SGCD: variants seen among roughly 807,000 people sequenced by gnomAD.
SGCD encodes the protein delta-sarcoglycan.
In SGCD, 18 loss-of-function variants were observed where a neutral mutation model predicts 36.6. That is an observed-to-expected ratio of 0.49 (90% CI 0.34 to 0.73). The LOEUF is 0.73. Among genes scored for constraint, SGCD ranks in the 30% least tolerant of loss-of-function variants. The pLI is 0.01. For synonymous variants in SGCD, 133 were observed against 130.6 expected, an observed-to-expected ratio of 1.02 and a Z score of -0.12; for missense variants, 387 against 346.7, an observed-to-expected ratio of 1.12 and a Z score of -0.92.
chr5:156,351,597 G>A (rs984385913), intron 3 of SGCD, among the ~76,000 whole-genome samples: 4 of 126,224 alleles, frequency 3.2e-5, no homozygotes, highest in African/African-American at 3.1e-5. Context: ...GTTTGCTATC[G>A]TCGTAGTCAT....
chr5:156,381,262 T>C (rs555474345), intron 3 of SGCD, among the ~76,000 whole-genome samples: 2 of 152,334 alleles, frequency 1.3e-5, no homozygotes, highest in African/African-American at 4.8e-5. Context: ...GAGCACTCCT[T>C]ATCATTATGT....
intron 3 of SGCD, among the ~76,000 whole-genome samples, chr5:156,504,390 GTGTATA>G (rs1208801024): frequency 0.031 from 3,880 of 126,244 alleles, 66 homozygotes; most frequent in East Asian, 0.082. Flanking sequence ...GGGTGTGTGT[GTGTATA>G]TATATATATA....
intron 1 of SGCD, among the ~76,000 whole-genome samples, chr5:155,906,461 CAGTT>C (rs1360632987): frequency 6.6e-6 from 1 of 152,160 alleles, no homozygotes; most frequent in Non-Finnish European, 1.5e-5. Flanking sequence ...TTGAGCCAAA[CAGTT>C]AGCCAAGTTG....
At chr5:156,606,511 A>G (rs960400681) in intron 6 of SGCD, among the ~76,000 whole-genome samples, 1 of 152,098 alleles carries the variant, frequency 6.6e-6, no homozygotes, top group African/African-American at 2.4e-5. Context: ...TTAGCTTAGG[A>G]TTGACTTGGC....
intron 6 of SGCD, among the ~76,000 whole-genome samples, chr5:156,609,375 C>A (rs1411858468): frequency 6.6e-6 from 1 of 152,154 alleles, no homozygotes; most frequent in African/African-American, 2.4e-5. Context: ...TATTGGCCCC[C>A]ACTCTCTTCT....
chr5:156,076,714 G>T (rs1007501044), intron 1 of SGCD, among the ~76,000 whole-genome samples: 1 of 151,996 alleles, frequency 6.6e-6, no homozygotes, highest in Non-Finnish European at 1.5e-5. Context: ...TCATATTTTT[G>T]TAGGTTTCAC....
intron 3 of SGCD, among the ~76,000 whole-genome samples, chr5:156,320,780 G>A (rs1293444587): frequency 6.6e-6 from 1 of 152,152 alleles, no homozygotes; most frequent in Non-Finnish European, 1.5e-5. Flanking sequence ...AAATGTTTGG[G>A]TCACTGTTTT....
intron 1 of SGCD, among the ~76,000 whole-genome samples, chr5:155,994,948 C>T (rs1385365835): frequency 6.6e-6 from 1 of 152,146 alleles, no homozygotes; most frequent in East Asian, 1.9e-4. Context: ...TAGCAAAGGC[C>T]ACGCAACCAT....
chr5:155,953,943 G>A (rs560984388), intron 1 of SGCD, among the ~76,000 whole-genome samples: 2 of 152,280 alleles, frequency 1.3e-5, no homozygotes, highest in African/African-American at 4.8e-5. Flanking sequence ...CCCACAGAGT[G>A]TGCTCAGAGC....
chr5:156,067,543 G>C (rs889108606), intron 1 of SGCD, among the ~76,000 whole-genome samples: 3 of 73,168 alleles, frequency 4.1e-5, no homozygotes, highest in East Asian at 4.3e-4. Flanking sequence ...CCCCAGCCTC[G>C]TTGCCGCCTT....
At chr5:156,524,094 CTA>C (rs60414987) in intron 4 of SGCD, among the ~76,000 whole-genome samples, 21 of 40,510 alleles carry the variant, frequency 5.2e-4, no homozygotes, top group Admixed American at 1.7e-3. Context: ...TGAGGTCTTA[CTA>C]TATATATATA....
intron 3 of SGCD, among the ~76,000 whole-genome samples, chr5:156,143,904 C>G (rs1336601593): frequency 8.9e-6 from 1 of 112,054 alleles, no homozygotes. Context: ...CACCCCAAAA[C>G]AGACCCCGGA....
chr5:156,591,801 T>C (rs1027985367), intron 5 of SGCD, among the ~76,000 whole-genome samples: 6 of 152,114 alleles, frequency 3.9e-5, no homozygotes, highest in Non-Finnish European at 1.5e-5. Context: ...CCATTTGCAT[T>C]TTTCTCTAGA....
chr5:155,898,727 C>T (rs536857839), intron 1 of SGCD, among the ~76,000 whole-genome samples: 4 of 152,304 alleles, frequency 2.6e-5, no homozygotes, highest in African/African-American at 9.6e-5. Context: ...CCTCAGGATA[C>T]AGCTTGGCTG....
chr5:156,422,216 T>C (rs1337264742), intron 3 of SGCD, among the ~76,000 whole-genome samples: 2 of 152,068 alleles, frequency 1.3e-5, no homozygotes, highest in African/African-American at 4.8e-5. Flanking sequence ...AATCTTGTTG[T>C]ATAAGGCAAA....
chr5:155,791,238 G>A, the SGCD span, among the ~76,000 whole-genome samples: 11 of 152,066 alleles, frequency 7.2e-5, no homozygotes, highest in Non-Finnish European at 1.5e-4. Context: ...AGAAAAGCCT[G>A]CTGAACTTAA....
At chr5:156,428,184 G>T (rs907328981) in intron 3 of SGCD, among the ~76,000 whole-genome samples, 2 of 151,792 alleles carry the variant, frequency 1.3e-5, no homozygotes, top group East Asian at 3.9e-4. Context: ...TTTGTTGGTA[G>T]GTAATTTTTA....
chr5:155,759,931 G>T, the SGCD span, among the ~76,000 whole-genome samples: 1 of 152,184 alleles, frequency 6.6e-6, no homozygotes, highest in African/African-American at 2.4e-5. Context: ...AGTAACTCAT[G>T]TTACGTTTCT....
At chr5:156,368,283 G>A (rs1223630705) in intron 3 of SGCD, among the ~76,000 whole-genome samples, 3 of 151,970 alleles carry the variant, frequency 2.0e-5, no homozygotes, top group South Asian at 2.1e-4. Flanking sequence ...AGTAGCGACC[G>A]AGTTTCACCA....
Sources: allele counts gnomAD v4.1 joint callset (sites outside exome capture counted in the v4.1 genomes callset), GRCh38; gene constraint gnomAD v4.1.1; transcripts MANE v1.5; gene names NCBI Gene and HGNC (gene_info 2026-07-23, HGNC 2026-07-21).